The following XYLT1 variants were observed in gnomAD, a reference collection of about 807,000 sequenced individuals.
XYLT1 encodes the protein beta-D-xylosyltransferase 1.
Under a neutral mutation model 91.3 loss-of-function variants are expected in XYLT1, and 36 were observed. The ratio of observed to expected loss-of-function variants is 0.39; its 90% CI spans 0.30 to 0.52. The LOEUF is 0.52. Ranked by LOEUF, XYLT1 falls within the 20% of genes least tolerant of loss-of-function variation. XYLT1 has a pLI of 0.68. For synonymous variants in XYLT1, 588 were observed against 532.0 expected, an observed-to-expected ratio of 1.11 and a Z score of -1.45; for missense variants, 1,242 against 1,284.5, an observed-to-expected ratio of 0.97 and a Z score of 0.51.
chr16:17,235,217 C>T (rs1311998148), intron 3 of XYLT1, among the ~76,000 whole-genome samples: 1 of 151,654 alleles, frequency 6.6e-6, no homozygotes, highest in Non-Finnish European at 1.5e-5. Context: ...TTATCTCACA[C>T]AAGTCAGACA....
rs34511974 is a variant in XYLT1 at position 17,108,944 on chromosome 16, G to T, written c.2631C>A (p.Pro877=). The change falls in exon 12 of 12, where the codon CCC becomes CCA. Residue 877 remains proline, a synonymous_variant. Coordinates refer to ENST00000261381, the MANE Select transcript of XYLT1 (RefSeq NM_022166.4). The part of the protein sequence containing the change: ...YMEQSFQSLN[P]VLSLPINPAQ... ...CGGGGTTGATGGGCAGGCTGAGGAC[G>T]GGGTTTAGGCTCTGGAAGCTCTGCT... The T allele has an allele frequency of 1.0e-5, 16 of 1,595,328 alleles. No individual in the cohort carries two copies. Among genetic ancestry groups the T allele is most frequent in the Non-Finnish European group, 1.2e-5 (14 of 1,166,488 alleles).
chr16:17,229,598 C>CCCATTCACCCTAACAGAGGTGAT (rs1442458292), intron 3 of XYLT1, among the ~76,000 whole-genome samples: 3 of 152,190 alleles, frequency 2.0e-5, no homozygotes, highest in African/African-American at 7.2e-5. Flanking sequence ...TTAGAACAAG[C>CCCATTCACCCTAACAGAGGTGAT]CCATTCACCC....
At chr16:17,184,268 C>T (rs1333738386) in intron 5 of XYLT1, among the ~76,000 whole-genome samples, 1 of 149,562 alleles carries the variant, frequency 6.7e-6, no homozygotes, top group Non-Finnish European at 1.5e-5. Flanking sequence ...AACGTCCCAT[C>T]CACAGACACA....
intron 1 of XYLT1, among the ~76,000 whole-genome samples, chr16:17,392,072 C>T (rs2035826915): frequency 6.6e-6 from 1 of 152,152 alleles, no homozygotes; most frequent in South Asian, 2.1e-4. Context: ...CTTATAAAAT[C>T]ATAAACCAAA....
chr16:17,160,004 G>A (rs2031508343), intron 5 of XYLT1, among the ~76,000 whole-genome samples: 1 of 152,230 alleles, frequency 6.6e-6, no homozygotes, highest in Non-Finnish European at 1.5e-5. Context: ...GAGGAACAGA[G>A]AAGAGAGCAG....
intron 2 of XYLT1, among the ~76,000 whole-genome samples, chr16:17,357,119 G>A (rs2035307352): frequency 7.8e-6 from 1 of 127,766 alleles, no homozygotes; most frequent in South Asian, 2.7e-4. Flanking sequence ...AGAGCTTGCA[G>A]TAAGCCGAGA....
At chr16:17,317,409 G>A (rs917663960) in intron 2 of XYLT1, among the ~76,000 whole-genome samples, 1 of 151,714 alleles carries the variant, frequency 6.6e-6, no homozygotes, top group African/African-American at 2.4e-5. Context: ...TAGGCGGGAG[G>A]GTGGTTTGAG....
chr16:17,301,746 C>G (rs890597460), intron 2 of XYLT1, among the ~76,000 whole-genome samples: 1 of 152,162 alleles, frequency 6.6e-6, no homozygotes, highest in Non-Finnish European at 1.5e-5. Context: ...AATATCAACT[C>G]TCACTTCTTA....
intron 1 of XYLT1, among the ~76,000 whole-genome samples, chr16:17,437,945 C>T (rs2036482429): frequency 6.6e-6 from 1 of 152,110 alleles, no homozygotes; most frequent in Non-Finnish European, 1.5e-5. Flanking sequence ...CAACAGAATT[C>T]TTGAGGTTTG....
intron 5 of XYLT1, among the ~76,000 whole-genome samples, chr16:17,195,796 C>T (rs2032415922): frequency 6.6e-6 from 1 of 152,170 alleles, no homozygotes; most frequent in Admixed American, 6.5e-5. Context: ...GTATCTTTGG[C>T]ATGATCATCT....
chr16:17,449,478 C>T (rs558975338), intron 1 of XYLT1, among the ~76,000 whole-genome samples: 376 of 152,358 alleles, frequency 2.5e-3, no homozygotes, highest in African/African-American at 8.5e-3. Context: ...GGTCTTCAGT[C>T]CCATCAACGG....
chr16:17,108,443 T>G lies in XYLT1; in HGVS notation c.*252A>C, dbSNP rs1420372180. 3 of 404,156 alleles carry G rather than the reference T, an allele frequency of 7.4e-6. No homozygotes were observed. Among genetic ancestry groups the G allele is most frequent in the Non-Finnish European group, 1.3e-5 (3 of 228,786 alleles). 25.0% of individuals were successfully genotyped at this position (404,156 alleles called of 1,614,324 possible). Reference sequence around the variant, plus strand: ...GGGAAGACAAGGAACCTGTAGGACTTGAGGATCAACCAGAAGAGGTGAGAC... The same window carrying G: ...GGGAAGACAAGGAACCTGTAGGACTGGAGGATCAACCAGAAGAGGTGAGAC... On this transcript the variant is annotated 3_prime_UTR_variant, in exon 12 of 12. Coordinates refer to ENST00000261381, the MANE Select transcript of XYLT1 (RefSeq NM_022166.4).
At chr16:17,190,807 C>T (rs2032293682) in intron 5 of XYLT1, among the ~76,000 whole-genome samples, 1 of 152,104 alleles carries the variant, frequency 6.6e-6, no homozygotes, top group South Asian at 2.1e-4. Context: ...TAGGTATACA[C>T]CCAGTAATGG....
At chr16:17,275,112 G>A (rs192190546) in intron 2 of XYLT1, among the ~76,000 whole-genome samples, 1 of 152,226 alleles carries the variant, frequency 6.6e-6, no homozygotes, top group Non-Finnish European at 1.5e-5. Flanking sequence ...GGGAGGTGGG[G>A]GTTGTAGTGA....
In XYLT1 at chr16:17,117,764, G is replaced by A; in HGVS notation, c.2439C>T (p.Asn813=). 5.6e-6 allele frequency: 9 copies of A among 1,614,220 alleles called. No individual in the cohort carries two copies. The highest frequency in any genetic ancestry group is 6.8e-6 in the Non-Finnish European group (8 of 1,180,032). The change falls in exon 11 of 12, where the codon AAC becomes AAT. Residue 813 remains asparagine (N), a synonymous_variant. Transcript: ENST00000261381. ...TCCAGACCCCAGGCCTCAGGGGCAAGTTCAAAGGGGGCTTGTAGTGTGTGA... is the reference window on the plus strand; with the variant it reads ...TCCAGACCCCAGGCCTCAGGGGCAAATTCAAAGGGGGCTTGTAGTGTGTGA... ...AEFTHYKPPL[N]LPLRPGVWTV... is the part of the protein sequence containing the mutation.
intron 9 of XYLT1, among the ~76,000 whole-genome samples, chr16:17,133,167 T>C (rs1319172052): frequency 1.3e-5 from 2 of 151,956 alleles, no homozygotes; most frequent in East Asian, 3.9e-4. Context: ...TGTGAGGAGG[T>C]GATGGGACAG....
At chr16:17,200,792 A>G in intron 3 of XYLT1, 138 bp from the exon 4 acceptor site, 3 of 915,564 alleles carry the variant, frequency 3.3e-6, no homozygotes, top group Non-Finnish European at 5.0e-6. Flanking sequence ...AACATAATTC[A>G]ATGCCACAAA....
At chr16:17,356,855 A>C (rs2035301003) in intron 2 of XYLT1, among the ~76,000 whole-genome samples, 1 of 152,134 alleles carries the variant, frequency 6.6e-6, no homozygotes, top group Non-Finnish European at 1.5e-5. Context: ...CAGATCCAGC[A>C]GGAAAAGTAA....
chr16:17,241,952 G>A (rs2033351286), intron 3 of XYLT1, among the ~76,000 whole-genome samples: 3 of 152,206 alleles, frequency 2.0e-5, no homozygotes, highest in African/African-American at 7.2e-5. Flanking sequence ...GACCTCACAA[G>A]TATGGTAGAA....
Sources: gnomAD v4.1 joint callset for allele counts (sites outside exome capture counted in the v4.1 genomes callset) on GRCh38, gnomAD v4.1.1 for gene constraint, MANE v1.5 for transcripts, NCBI Gene and HGNC (gene_info 2026-07-23, HGNC 2026-07-21) for gene names.